Variants in BTC observed in about 807,000 individuals in gnomAD.
The protein encoded by BTC is betacellulin, also known as probetacellulin.
A neutral mutation model predicts 18.1 loss-of-function variants in BTC; 13 were observed. That is an observed-to-expected ratio of 0.72 (90% CI 0.47 to 1.14). The LOEUF (loss-of-function observed/expected upper bound fraction) is 1.14, where lower values mean the gene tolerates loss of function less well. Ranked by LOEUF, BTC falls within the 50% of genes most tolerant of loss-of-function variation. The probability of loss-of-function intolerance (pLI) is 0.00; values close to 1 mark genes in which losing one functional copy is unlikely to be tolerated. For missense variants in BTC, 247 were observed against 224.2 expected (o/e 1.10, Z -0.65); for synonymous variants, 83 against 79.4 (o/e 1.05, Z -0.24).
rs374702952 is a variant in BTC at position 74,746,522 on chromosome 4, AAAT to A, written c.*152_*154del. The A allele has an allele frequency of 3.8e-4, 58 of 152,724 alleles. No individual in the cohort carries two copies. The highest frequency in any genetic ancestry group is 1.4e-3 in the African/African-American group (57 of 41,558). The allele number at this position is 152,724 out of a possible 1,614,324, so 9.5% of individuals were successfully genotyped here. ...ACATATAATTAATGTTCTTATTAAA[AAAT>A]AATAACACAAACTAAAGTTGCAAAT... On this transcript the variant is annotated 3_prime_UTR_variant, in exon 6 of 6. Coordinates refer to ENST00000395743, the MANE Select transcript of BTC (RefSeq NM_001729.4).
rs1317346052 is a variant in BTC, at chr4:74,746,243, T to C, written c.*434A>G. On this transcript the variant is annotated 3_prime_UTR_variant, in exon 6 of 6. Coordinates refer to ENST00000395743, the MANE Select transcript of BTC (RefSeq NM_001729.4). Reference sequence around the variant, plus strand: ...TGTTTCCATATGTAGGAAATGAGGATTATAATAGCTATCTCATGGATTGCT... The same window carrying C: ...TGTTTCCATATGTAGGAAATGAGGACTATAATAGCTATCTCATGGATTGCT... The C allele has an allele frequency of 6.6e-6, 1 of 152,206 alleles. No individual in the cohort carries two copies. The highest frequency in any genetic ancestry group is 2.4e-5 in the African/African-American group (1 of 41,458). The allele number at this position is 152,206 out of a possible 1,614,324, so 9.4% of individuals were successfully genotyped here.
chr4:74,785,238 G>A (rs777355507), intron 1 of BTC, among the ~76,000 whole-genome samples: 4 of 152,142 alleles, frequency 2.6e-5, no homozygotes, highest in African/African-American at 7.2e-5. Flanking sequence ...ATTCTCTGAT[G>A]TTTGTTTGTA....
At chr4:74,783,283 G>A (rs1481715842) in intron 1 of BTC, among the ~76,000 whole-genome samples, 1 of 152,088 alleles carries the variant, frequency 6.6e-6, no homozygotes, top group Non-Finnish European at 1.5e-5. Flanking sequence ...TGTATATAGT[G>A]TAAAGAAGGG....
In BTC at chr4:74,794,389, C is replaced by T. The variant is rs1292459658; in HGVS notation, c.-64G>A. The T allele has an allele frequency of 1.4e-6, 2 of 1,439,888 alleles. No homozygotes were observed. The highest frequency in any genetic ancestry group is 1.5e-5 in the African/African-American group (1 of 68,480). 89.2% of individuals were successfully genotyped at this position (1,439,888 alleles called of 1,614,324 possible). On this transcript the variant is annotated 5_prime_UTR_variant, in exon 1 of 6. Transcript: ENST00000395743. ...TCTCCCTCCTTCTTCGCCCCCTTCC[C>T]GGGCCTCGGGCGCCTGAGAGGGTGC...
At chr4:74,760,947 G>A (rs146760912) in intron 2 of BTC, among the ~76,000 whole-genome samples, 1,854 of 152,112 alleles carry the variant, frequency 0.012, 44 homozygotes, top group African/African-American at 0.043. Context: ...TTTTAGCCAG[G>A]ATGGTCTTGA....
chr4:74,758,876 A>G (rs368527166), intron 2 of BTC, among the ~76,000 whole-genome samples: 4 of 152,212 alleles, frequency 2.6e-5, no homozygotes, highest in African/African-American at 7.2e-5. Flanking sequence ...GAAAATGTCC[A>G]GCGATTTCTT....
intron 1 of BTC, among the ~76,000 whole-genome samples, chr4:74,792,241 G>A (rs947568374): frequency 6.6e-6 from 1 of 152,134 alleles, no homozygotes; most frequent in Admixed American, 6.5e-5. Context: ...ATTTAACAGG[G>A]CGGTTGTACA....
intron 1 of BTC, among the ~76,000 whole-genome samples, chr4:74,791,477 C>T (rs1197013521): frequency 2.0e-5 from 3 of 152,142 alleles, no homozygotes; most frequent in Admixed American, 6.5e-5. Flanking sequence ...TGCCTTTAAA[C>T]AGTTTTAGAA....
intron 1 of BTC, among the ~76,000 whole-genome samples, chr4:74,793,798 C>T (rs1294298468): frequency 6.6e-6 from 1 of 151,688 alleles, no homozygotes; most frequent in Non-Finnish European, 1.5e-5. Context: ...AAAGAGTTCC[C>T]GTTCTTCTGC....
At chr4:74,763,160 C>T (rs1333028338) in intron 2 of BTC, among the ~76,000 whole-genome samples, 9 of 151,848 alleles carry the variant, frequency 5.9e-5, no homozygotes, top group Non-Finnish European at 8.8e-5. Flanking sequence ...CCCATTTGCC[C>T]GAAAAAATTC....
intron 1 of BTC, among the ~76,000 whole-genome samples, chr4:74,792,491 C>T (rs897900779): frequency 5.3e-5 from 8 of 152,212 alleles, no homozygotes; most frequent in African/African-American, 1.9e-4. Context: ...CCCCCCCTTC[C>T]TATACTGCAC....
At chr4:74,757,245 GC>G (rs777059869) in intron 2 of BTC, among the ~76,000 whole-genome samples, 97 of 152,240 alleles carry the variant, frequency 6.4e-4, no homozygotes, top group Non-Finnish European at 5.0e-4. Context: ...ACATATAATT[GC>G]CCCAGGCCAC....
intron 1 of BTC, among the ~76,000 whole-genome samples, chr4:74,779,441 C>A (rs950517746): frequency 2.0e-5 from 3 of 152,108 alleles, no homozygotes; most frequent in African/African-American, 7.2e-5. Flanking sequence ...TCTCAGAAAT[C>A]GTCAGTTGTC....
At chr4:74,772,336 A>C (rs543204416) in intron 1 of BTC, among the ~76,000 whole-genome samples, 1 of 152,178 alleles carries the variant, frequency 6.6e-6, no homozygotes, top group Non-Finnish European at 1.5e-5. Flanking sequence ...TACTCCCAGC[A>C]CCTGCCCTTT....
At chr4:74,769,756 T>C (rs1261746909) in intron 2 of BTC, among the ~76,000 whole-genome samples, 3 of 152,200 alleles carry the variant, frequency 2.0e-5, no homozygotes, top group African/African-American at 7.2e-5. Flanking sequence ...ACCCAAAATA[T>C]AGTGGCTGAC....
chr4:74,757,837 T>G (rs1250006140), intron 2 of BTC, among the ~76,000 whole-genome samples: 3 of 152,194 alleles, frequency 2.0e-5, no homozygotes, highest in Non-Finnish European at 4.4e-5. Context: ...GATTAGGCTG[T>G]CTGAACCTTT....
Position 74,748,245 on chromosome 4 carries a change from T to TA in BTC, c.429-97dup, listed in dbSNP as rs1216268127. 17 of 769,084 alleles carry TA rather than the reference T, an allele frequency of 2.2e-5. 1 individual carries two copies. In the Middle Eastern group the frequency reaches 8.0e-4, roughly 36 times the overall value. The allele number at this position is 769,084 out of a possible 1,614,324, so 47.6% of individuals were successfully genotyped here. A position where few individuals can be genotyped will look rare whatever the true frequency, so the allele number is the denominator to read the frequency against. ...GATCCTATGATCAGGTTTCTTTTTT[T>TA]AAAAAAATATTTAGGGTTCTAGGCC... On this transcript the variant is annotated intron_variant, in intron 4 of 5. Coordinates refer to ENST00000395743, the MANE Select transcript of BTC (RefSeq NM_001729.4).
At chr4:74,768,911 A>G (rs1400839032) in intron 2 of BTC, among the ~76,000 whole-genome samples, 3 of 152,188 alleles carry the variant, frequency 2.0e-5, no homozygotes, top group Non-Finnish European at 4.4e-5. Context: ...ATGAACACAT[A>G]AAGTTGGCCT....
At chr4:74,756,950 G>A (rs969542947) in intron 2 of BTC, among the ~76,000 whole-genome samples, 1 of 152,158 alleles carries the variant, frequency 6.6e-6, no homozygotes, top group Non-Finnish European at 1.5e-5. Context: ...CTAACTAGCT[G>A]TTTCGTATGT....
Sources: gnomAD v4.1 joint callset for allele counts (sites outside exome capture counted in the v4.1 genomes callset) on GRCh38, gnomAD v4.1.1 for gene constraint, MANE v1.5 for transcripts, NCBI Gene and HGNC (gene_info 2026-07-23, HGNC 2026-07-21) for gene names.